Variants in PRR16 observed in about 807,000 individuals in gnomAD.
The protein encoded by PRR16 is proline rich 16.
A neutral mutation model predicts 18.2 loss-of-function variants in PRR16; 6 were observed. The observed-to-expected ratio is 0.33, with a 90% CI of 0.18 to 0.65. The LOEUF (loss-of-function observed/expected upper bound fraction) is 0.65, where lower values mean the gene tolerates loss of function less well. PRR16 is among the 30% of genes least tolerant of loss of function. PRR16 has a pLI of 0.74. For missense variants in PRR16, 412 were observed against 376.6 expected, an observed-to-expected ratio of 1.09 and a Z score of -0.78; for synonymous variants, 151 against 147.8, an observed-to-expected ratio of 1.02 and a Z score of -0.16.
chr5:120,757,523 G>A, the PRR16 span, among the ~76,000 whole-genome samples: 66 of 151,554 alleles, frequency 4.4e-4, no homozygotes, highest in African/African-American at 1.5e-3. Context: ...TTGATCTACT[G>A]GCTTTCTTTT....
chr5:120,531,097 A>T (rs552580232), intron 1 of PRR16, among the ~76,000 whole-genome samples: 73 of 152,284 alleles, frequency 4.8e-4, no homozygotes, highest in Admixed American at 1.3e-3. Context: ...TCTGTATTCA[A>T]ATTATACTAG....
chr5:120,486,067 G>A (rs1227085043), intron 1 of PRR16, among the ~76,000 whole-genome samples: 1 of 152,040 alleles, frequency 6.6e-6, no homozygotes, highest in East Asian at 1.9e-4. Context: ...CATTTGGGTT[G>A]GTTCCAAGTC....
At chr5:120,666,608 C>T (rs1756386271) in intron 1 of PRR16, among the ~76,000 whole-genome samples, 2 of 152,064 alleles carry the variant, frequency 1.3e-5, no homozygotes, top group Admixed American at 1.3e-4. Context: ...TCATAGGTAG[C>T]TCTTATTATT....
At chr5:120,666,208 C>T (rs1478799512) in intron 1 of PRR16, among the ~76,000 whole-genome samples, 2 of 152,094 alleles carry the variant, frequency 1.3e-5, no homozygotes, top group Non-Finnish European at 1.5e-5. Context: ...GTATTTTATT[C>T]TCTTTGAAGC....
the PRR16 span, among the ~76,000 whole-genome samples, chr5:120,762,987 A>T: frequency 6.6e-6 from 1 of 152,090 alleles, no homozygotes; most frequent in Non-Finnish European, 1.5e-5. Flanking sequence ...CTGCATATGA[A>T]TATCCAGTTT....
At chr5:120,508,963 G>A (rs539886057) in intron 1 of PRR16, among the ~76,000 whole-genome samples, 1 of 151,680 alleles carries the variant, frequency 6.6e-6, no homozygotes, top group African/African-American at 2.4e-5. Context: ...AGTTGGGTGA[G>A]GGGGGGGATA....
At chr5:120,541,713 A>G (rs1274370634) in intron 1 of PRR16, among the ~76,000 whole-genome samples, 2 of 152,092 alleles carry the variant, frequency 1.3e-5, no homozygotes, top group East Asian at 1.9e-4. Context: ...TTTTATAATG[A>G]AAGTTAGTCT....
chr5:120,612,278 T>G (rs1754361143), intron 1 of PRR16, among the ~76,000 whole-genome samples: 3 of 152,194 alleles, frequency 2.0e-5, no homozygotes, highest in Admixed American at 6.5e-5. Context: ...ACTTTTGGGT[T>G]AATGCTGAAA....
chr5:120,786,551 TATC>T, the PRR16 span, among the ~76,000 whole-genome samples: 32 of 148,824 alleles, frequency 2.2e-4, no homozygotes, highest in Non-Finnish European at 4.5e-4. Context: ...TTAAATTAAG[TATC>T]ATATATTTTA....
chr5:120,658,532 G>C (rs1756064092), intron 1 of PRR16, among the ~76,000 whole-genome samples: 1 of 151,850 alleles, frequency 6.6e-6, no homozygotes, highest in African/African-American at 2.4e-5. Flanking sequence ...AAGGCTCTCT[G>C]TATTCAAGTC....
At chr5:120,766,287 C>G in the PRR16 span, among the ~76,000 whole-genome samples, 10 of 151,912 alleles carry the variant, frequency 6.6e-5, no homozygotes, top group African/African-American at 2.4e-4. Context: ...TTTGTTTTAT[C>G]TATTCTAGAG....
At chr5:120,764,323 T>C in the PRR16 span, among the ~76,000 whole-genome samples, 507 of 152,236 alleles carry the variant, frequency 3.3e-3, 4 homozygotes, top group Non-Finnish European at 5.4e-3. Context: ...TTATCATATG[T>C]TTTCATCTTT....
chr5:120,528,841 G>C (rs1751455496), intron 1 of PRR16, among the ~76,000 whole-genome samples: 2 of 152,140 alleles, frequency 1.3e-5, no homozygotes, highest in African/African-American at 4.8e-5. Context: ...GAGTACAAGA[G>C]ACAGATTATT....
At chr5:120,619,735 A>C (rs1022508354) in intron 1 of PRR16, among the ~76,000 whole-genome samples, 2 of 152,102 alleles carry the variant, frequency 1.3e-5, no homozygotes, top group African/African-American at 2.4e-5. Flanking sequence ...CAAACCAAAA[A>C]TTAACAGTCT....
At chr5:120,554,676 T>G (rs930804320) in intron 1 of PRR16, among the ~76,000 whole-genome samples, 1 of 151,902 alleles carries the variant, frequency 6.6e-6, no homozygotes, top group African/African-American at 2.4e-5. Flanking sequence ...ATATAGTATT[T>G]CATGTAAGTC....
At chr5:120,590,683 G>A (rs886070699) in intron 1 of PRR16, among the ~76,000 whole-genome samples, 1 of 151,988 alleles carries the variant, frequency 6.6e-6, no homozygotes, top group African/African-American at 2.4e-5. Flanking sequence ...TTGATATGTG[G>A]CCTCTCCAAG....
chr5:120,521,498 T>C (rs1371306196), intron 1 of PRR16, among the ~76,000 whole-genome samples: 1 of 152,144 alleles, frequency 6.6e-6, no homozygotes. Context: ...TCATTTTTTT[T>C]CTTAACTTTT....
intron 1 of PRR16, among the ~76,000 whole-genome samples, chr5:120,482,922 G>C (rs762536951): frequency 6.6e-5 from 10 of 152,116 alleles, no homozygotes; most frequent in Non-Finnish European, 1.5e-4. Flanking sequence ...TTCAGTGTCT[G>C]AACAACTGTA....
At chr5:120,652,632 T>C (rs1384833275) in intron 1 of PRR16, among the ~76,000 whole-genome samples, 1 of 151,876 alleles carries the variant, frequency 6.6e-6, no homozygotes, top group Non-Finnish European at 1.5e-5. Flanking sequence ...TTCAACAAAA[T>C]GCCTGACTAA....
Sources: gnomAD v4.1 joint callset for allele counts (sites outside exome capture counted in the v4.1 genomes callset) on GRCh38, gnomAD v4.1.1 for gene constraint, MANE v1.5 for transcripts, NCBI Gene and HGNC (gene_info 2026-07-23, HGNC 2026-07-21) for gene names.